Variants in NPAS3 observed in about 807,000 individuals in gnomAD.
NPAS3 encodes neuronal PAS domain-containing protein 3.
In NPAS3, 14 loss-of-function variants were observed where a neutral mutation model predicts 73.1. The observed-to-expected ratio is 0.19, with a 90% CI of 0.13 to 0.30. The LOEUF is 0.30. Among genes scored for constraint, NPAS3 ranks in the 10% least tolerant of loss-of-function variants. The pLI, the probability that NPAS3 is intolerant of heterozygous loss-of-function variation, is 1.00. For missense variants in NPAS3, 1,096 were observed against 1,250.0 expected (o/e 0.88, Z 1.86); for synonymous variants, 620 against 541.5 (o/e 1.14, Z -2.01).
intron 1 of NPAS3, among the ~76,000 whole-genome samples, chr14:32,966,481 A>T (rs558588830): frequency 6.6e-6 from 1 of 152,344 alleles, no homozygotes; most frequent in African/African-American, 2.4e-5. Context: ...TGGTACTAGG[A>T]AAACTGGATA....
chr14:33,048,650 T>C (rs17099994), intron 1 of NPAS3, among the ~76,000 whole-genome samples: 15,680 of 152,216 alleles, frequency 0.1, 862 homozygotes, highest in Non-Finnish European at 0.12. Context: ...CTTTGTGTAG[T>C]TCCAGGTATG....
chr14:33,441,783 A>G (rs182525020), intron 4 of NPAS3, among the ~76,000 whole-genome samples: 1 of 152,328 alleles, frequency 6.6e-6, no homozygotes, highest in East Asian at 1.9e-4. Context: ...GCTGAGGGCA[A>G]AGGAGAAGCA....
At chr14:33,803,559 G>A (rs964714081), downstream of NPAS3, 1 of 152,084 alleles carries the variant, frequency 6.6e-6, no homozygotes, top group Non-Finnish European at 1.5e-5. Context: ...ACAATCAAAG[G>A]AATGCACCTA....
intron 7 of NPAS3, among the ~76,000 whole-genome samples, chr14:33,762,509 G>A (rs1317615015): frequency 6.6e-6 from 1 of 152,146 alleles, no homozygotes; most frequent in Non-Finnish European, 1.5e-5. Flanking sequence ...AATTTTTAGA[G>A]TCAATCTTCC....
At chr14:33,473,418 G>A (rs539594824) in intron 4 of NPAS3, among the ~76,000 whole-genome samples, 5 of 152,076 alleles carry the variant, frequency 3.3e-5, no homozygotes, top group East Asian at 1.9e-4. Context: ...CAGAGAATGC[G>A]GATCACCTAA....
At chr14:33,173,478 A>T (rs2045471144) in intron 2 of NPAS3, among the ~76,000 whole-genome samples, 1 of 152,216 alleles carries the variant, frequency 6.6e-6, no homozygotes. Context: ...AATAAATCAA[A>T]GTTCACATGG....
intron 4 of NPAS3, among the ~76,000 whole-genome samples, chr14:33,454,796 A>C (rs1227442934): frequency 6.6e-6 from 1 of 152,154 alleles, no homozygotes; most frequent in African/African-American, 2.4e-5. Flanking sequence ...AAACTCCAAG[A>C]ATAGGTATGT....
rs552348267 is a variant in NPAS3, at chr14:33,776,521, TAAAAAAAAAAAAAAAAAA to T, written c.1047-1922_1047-1905del. Among the ~76,000 whole-genome samples the T allele has an allele frequency of 1.7e-3, 54 of 32,060 alleles. 1 individual carries two copies. The South Asian group carries it at 0.023, about 13-fold the overall frequency. 21.0% of individuals were successfully genotyped at this position (32,060 alleles called of 152,430 possible). A position where few individuals can be genotyped will look rare whatever the true frequency, so the allele number is the denominator to read the frequency against. ...CTGCTTTTGGCGTTTTTCTTCCTCT[TAAAAAAAAAAAAAAAAAA>T]AAAAAAAAAAAAAAAAAAAAAAGCT... is the stretch of plus-strand genomic sequence containing the variant. On this transcript the variant is annotated intron_variant, in intron 8 of 11. Transcript: ENST00000356141.
intron 3 of NPAS3, among the ~76,000 whole-genome samples, chr14:33,255,438 G>A (rs1458548009): frequency 4.6e-5 from 7 of 152,032 alleles, no homozygotes; most frequent in Non-Finnish European, 1.0e-4. Flanking sequence ...TAATAATTAC[G>A]ATATGAACCA....
rs116108141 is a variant in NPAS3 at position 33,372,013 on chromosome 14, A to C, written c.468+4745A>C. ...GGTAACACTAGGGTCATAGCACTGC[A>C]AAAAAATGATAAGGGCAATTTTAAA... On this transcript the variant is annotated intron_variant, in intron 4 of 11. Coordinates refer to ENST00000356141, the Ensembl canonical transcript of NPAS3. Among the ~76,000 whole-genome samples, 543 of 152,320 alleles carry C rather than the reference A, an allele frequency of 3.6e-3. 4 individuals carry two copies. The highest frequency in any genetic ancestry group is 0.012 in the African/African-American group (517 of 41,570).
intron 4 of NPAS3, among the ~76,000 whole-genome samples, chr14:33,474,219 TAGAA>T (rs2050915734): frequency 6.6e-6 from 1 of 152,164 alleles, no homozygotes; most frequent in African/African-American, 2.4e-5. Flanking sequence ...AAAAGACTGT[TAGAA>T]AGGAAACTAT....
chr14:33,274,841 G>C (rs951316770), intron 3 of NPAS3, among the ~76,000 whole-genome samples: 10 of 152,062 alleles, frequency 6.6e-5, no homozygotes, highest in African/African-American at 2.2e-4. Context: ...ATAGATGCCA[G>C]GACTCTAGCA....
chr14:33,220,169 G>A (rs1364146837), intron 3 of NPAS3, among the ~76,000 whole-genome samples: 1 of 152,134 alleles, frequency 6.6e-6, no homozygotes, highest in East Asian at 1.9e-4. Flanking sequence ...AGACGAGTAG[G>A]GCAAAGATGG....
At chr14:33,663,696 C>A (rs1256845344) in intron 5 of NPAS3, among the ~76,000 whole-genome samples, 2 of 152,128 alleles carry the variant, frequency 1.3e-5, no homozygotes, top group East Asian at 1.9e-4. Context: ...GGTTGGTAGG[C>A]TATTAATTAC....
At chr14:33,756,150 C>T (rs2062109798) in intron 7 of NPAS3, among the ~76,000 whole-genome samples, 1 of 152,142 alleles carries the variant, frequency 6.6e-6, no homozygotes, top group Non-Finnish European at 1.5e-5. Flanking sequence ...TGATTGAAAG[C>T]TTTATGTATC....
intron 4 of NPAS3, among the ~76,000 whole-genome samples, chr14:33,555,836 C>T (rs1425760236): frequency 6.6e-6 from 1 of 151,796 alleles, no homozygotes; most frequent in Non-Finnish European, 1.5e-5. Context: ...GTATAATTGA[C>T]TAAAATGATA....
At chr14:33,246,300 G>A (rs1594495996) in intron 3 of NPAS3, among the ~76,000 whole-genome samples, 1 of 152,092 alleles carries the variant, frequency 6.6e-6, no homozygotes, top group Non-Finnish European at 1.5e-5. Flanking sequence ...AGCACTTTGG[G>A]AGGCCGAGGC....
chr14:33,147,559 A>T (rs976351610), intron 2 of NPAS3, among the ~76,000 whole-genome samples: 21 of 150,928 alleles, frequency 1.4e-4, no homozygotes, highest in Admixed American at 1.2e-3. Flanking sequence ...CAGGAAGGGG[A>T]ACATCACACA....
At chr14:33,764,590 GTC>G (rs2062400530) in intron 7 of NPAS3, among the ~76,000 whole-genome samples, 1 of 152,164 alleles carries the variant, frequency 6.6e-6, no homozygotes, top group African/African-American at 2.4e-5. Flanking sequence ...CTAGTTCTGA[GTC>G]TTTTTTTATA....
Sources: gnomAD v4.1 joint callset for allele counts (sites outside exome capture counted in the v4.1 genomes callset) on GRCh38, gnomAD v4.1.1 for gene constraint, MANE v1.5 for transcripts, NCBI Gene and HGNC (gene_info 2026-07-23, HGNC 2026-07-21) for gene names.